Variants in ARMH4 observed in about 807,000 individuals in gnomAD.
ARMH4 encodes the protein armadillo-like helical domain-containing protein 4.
A neutral mutation model predicts 61.9 loss-of-function variants in ARMH4; 49 were observed. The observed-to-expected ratio is 0.79, with a 90% confidence interval of 0.63 to 1.00. ARMH4 has a LOEUF of 1.00. Among genes scored for constraint, ARMH4 ranks in the 50% least tolerant of loss-of-function variants. ARMH4 has a pLI of 0.00. For synonymous variants in ARMH4, 368 were observed against 341.5 expected, an observed-to-expected ratio of 1.08 and a Z score of -0.85; for missense variants, 934 against 930.0, an observed-to-expected ratio of 1.00 and a Z score of -0.06.
At chr14:58,086,148 A>G (rs1797368635) in intron 5 of ARMH4, among the ~76,000 whole-genome samples, 1 of 152,176 alleles carries the variant, frequency 6.6e-6, no homozygotes, top group African/African-American at 2.4e-5. Flanking sequence ...AAATTGCTCA[A>G]CCACTCCATG....
chr14:58,125,649 G>A (rs551528812), intron 4 of ARMH4, among the ~76,000 whole-genome samples: 39 of 152,136 alleles, frequency 2.6e-4, no homozygotes, highest in Non-Finnish European at 4.4e-4. Flanking sequence ...ACAGACCCCT[G>A]GACTGGCCTG....
At chr14:58,146,265 T>C (rs1295285581) in intron 1 of ARMH4, among the ~76,000 whole-genome samples, 1 of 152,262 alleles carries the variant, frequency 6.6e-6, no homozygotes, top group Non-Finnish European at 1.5e-5. Flanking sequence ...ATTCTGTGTC[T>C]TAATTATCTT....
intron 4 of ARMH4, among the ~76,000 whole-genome samples, chr14:58,130,367 A>G (rs1170650266): frequency 6.6e-6 from 1 of 152,148 alleles, no homozygotes; most frequent in Non-Finnish European, 1.5e-5. Context: ...TCTGCACCAG[A>G]GTCAGCTGCA....
chr14:58,138,100 T>A lies in ARMH4; in HGVS notation c.1259A>T (p.Asp420Val), dbSNP rs1887369579. Residue 420 changes from aspartate (D) to valine (V), a missense_variant, in exon 2 of 8, where the codon GAC becomes GTC. By Grantham distance (152) the Asp-to-Val change is radical. Transcript: ENST00000267485. ...GTTTTCCTTGGTGGATTCCGTGAAG[T>A]CTCCCGTACTTTGGAGCAAGTTCAC... Reference protein sequence around the residue: ...SIVNLLQSTGDFTESTKENDA... With the variant: ...SIVNLLQSTGVFTESTKENDA... 2 of 1,614,200 alleles carry A rather than the reference T, an allele frequency of 1.2e-6. No homozygotes were observed. The highest frequency in any genetic ancestry group is 1.1e-5 in the South Asian group (1 of 91,088).
chr14:58,025,800 A>G (rs1382164960), intron 5 of ARMH4, among the ~76,000 whole-genome samples: 1 of 152,140 alleles, frequency 6.6e-6, no homozygotes, highest in Non-Finnish European at 1.5e-5. Context: ...TGTCTATAAT[A>G]ATTTGCTCTT....
At chr14:58,022,091 C>T (rs762510542) in intron 5 of ARMH4, among the ~76,000 whole-genome samples, 110 of 152,308 alleles carry the variant, frequency 7.2e-4, no homozygotes, top group Non-Finnish European at 1.4e-3. Context: ...AAGGTGTCAA[C>T]AGGGTTAGTT....
chr14:58,092,910 G>C (rs1885621209), intron 5 of ARMH4, among the ~76,000 whole-genome samples: 1 of 150,844 alleles, frequency 6.6e-6, no homozygotes, highest in African/African-American at 2.4e-5. Flanking sequence ...TAAACTCCTG[G>C]TGATATGGTT....
intron 5 of ARMH4, among the ~76,000 whole-genome samples, chr14:58,068,961 G>A (rs1260766837): frequency 6.7e-6 from 1 of 148,236 alleles, no homozygotes; most frequent in Admixed American, 6.8e-5. Context: ...GAGCAAGATC[G>A]CACCACTGCA....
At chr14:58,125,895 C>T (rs1886880855) in intron 4 of ARMH4, among the ~76,000 whole-genome samples, 1 of 152,162 alleles carries the variant, frequency 6.6e-6, no homozygotes, top group Admixed American at 6.5e-5. Context: ...CCACGTCCAC[C>T]TTTAAACATG....
At chr14:58,081,664 C>T in intron 5 of ARMH4, among the ~76,000 whole-genome samples, 1 of 152,000 alleles carries the variant, frequency 6.6e-6, no homozygotes, top group East Asian at 1.9e-4. Flanking sequence ...CCACGCCTGG[C>T]TAATTTTTTT....
intron 5 of ARMH4, among the ~76,000 whole-genome samples, chr14:58,039,929 A>T (rs1390333454): frequency 6.6e-6 from 1 of 152,214 alleles, no homozygotes; most frequent in Non-Finnish European, 1.5e-5. Flanking sequence ...TCCACAGCAC[A>T]GAGCATTTCC....
Position 58,131,537 on chromosome 14 carries a change from A to G in ARMH4, c.1806T>C (p.Tyr602=). ...SITRVNTAAS[Y]GLDQLESEEG... is the part of the protein sequence containing the mutation. The stretch of plus-strand genomic sequence containing the variant: ...CTTCAGATTCAAGTTGGTCCAGGCC[A>G]TATGAGGCAGCTGTATTAACACGAG... Residue 602 remains tyrosine, a synonymous_variant, in exon 4 of 8, where the codon TAT becomes TAC. Coordinates refer to ENST00000267485, the MANE Select transcript of ARMH4 (RefSeq NM_001001872.4). The G allele has an allele frequency of 1.9e-6, 3 of 1,614,202 alleles. No homozygotes were observed. Among genetic ancestry groups the G allele is most frequent in the Non-Finnish European group, 2.5e-6 (3 of 1,180,014 alleles).
At chr14:58,030,420 G>A (rs1883187109) in intron 5 of ARMH4, among the ~76,000 whole-genome samples, 1 of 152,202 alleles carries the variant, frequency 6.6e-6, no homozygotes, top group Non-Finnish European at 1.5e-5. Context: ...GGGAAAAGAA[G>A]CAAAACCACA....
intron 5 of ARMH4, among the ~76,000 whole-genome samples, chr14:58,095,320 G>A (rs539097962): frequency 6.6e-6 from 1 of 152,298 alleles, no homozygotes; most frequent in South Asian, 2.1e-4. Context: ...TGCACAACCC[G>A]AGGAGTCACT....
Position 58,034,333 on chromosome 14 carries a change from C to T in ARMH4, c.2090-22183G>A, listed in dbSNP as rs1279088645. The stretch of plus-strand genomic sequence containing the variant: ...TCATAAGTGAAGGAGAAATAAAATA[C>T]TTTATAGACAAGCAAATGCTGAGAT... On this transcript the variant is annotated intron_variant, in intron 5 of 7. Transcript: ENST00000267485. Among the ~76,000 whole-genome samples the T allele has an allele frequency of 1.5e-4, 17 of 112,978 alleles. 3 individuals carry two copies. In the East Asian group the frequency reaches 4.0e-3, roughly 27 times the overall value. The allele number at this position is 112,978 out of a possible 152,430, so 74.1% of individuals were successfully genotyped here.
intron 4 of ARMH4, among the ~76,000 whole-genome samples, chr14:58,114,504 C>G (rs977531707): frequency 1.3e-5 from 2 of 152,090 alleles, no homozygotes; most frequent in Non-Finnish European, 2.9e-5. Flanking sequence ...AAGATCTAGT[C>G]ATTTTGCTAT....
At chr14:58,104,060 T>C (rs1284541984) in intron 4 of ARMH4, among the ~76,000 whole-genome samples, 1 of 152,208 alleles carries the variant, frequency 6.6e-6, no homozygotes, top group African/African-American at 2.4e-5. Context: ...AGAAGGCTGC[T>C]ACCTTTATAA....
At chr14:58,086,928 G>C (rs1430949405) in intron 5 of ARMH4, among the ~76,000 whole-genome samples, 1 of 152,126 alleles carries the variant, frequency 6.6e-6, no homozygotes, top group Non-Finnish European at 1.5e-5. Flanking sequence ...AGTCGGTAGG[G>C]AATGTTTGAT....
At chr14:58,029,668 C>T (rs1883156205) in intron 5 of ARMH4, among the ~76,000 whole-genome samples, 1 of 152,022 alleles carries the variant, frequency 6.6e-6, no homozygotes, top group African/African-American at 2.4e-5. Context: ...ACTTCATATC[C>T]ACTAGGAAGG....
Sources: allele counts gnomAD v4.1 joint callset (sites outside exome capture counted in the v4.1 genomes callset), GRCh38; gene constraint gnomAD v4.1.1; transcripts MANE v1.5; gene names NCBI Gene and HGNC (gene_info 2026-07-23, HGNC 2026-07-21).